DEPDC5: variants seen among roughly 807,000 people sequenced by gnomAD.
DEPDC5 encodes the protein DEP domain containing 5, GATOR1 subcomplex subunit.
DEPDC5 carries 73 observed loss-of-function variants against 217.3 expected under a neutral mutation model. The ratio of observed to expected loss-of-function variants is 0.34; its 90% CI spans 0.28 to 0.41. The LOEUF (loss-of-function observed/expected upper bound fraction) is 0.41. Among genes scored for constraint, DEPDC5 ranks in the 10% least tolerant of loss-of-function variants. The pLI is 1.00. For missense variants in DEPDC5, 1,675 were observed against 2,070.1 expected (o/e 0.81, Z 3.70); for synonymous variants, 733 against 756.7 (o/e 0.97, Z 0.51).
At chr22:31,841,925 G>A (rs959422396) in intron 27 of DEPDC5, among the ~76,000 whole-genome samples, 3 of 152,192 alleles carry the variant, frequency 2.0e-5, no homozygotes, top group South Asian at 2.1e-4. Context: ...TAGATCAAAG[G>A]AATCTTGGCT....
In DEPDC5 at chr22:31,755,011, A is replaced by T. The variant is rs199751017; in HGVS notation, c.58+32A>T. The T allele has an allele frequency of 5.6e-6, 9 of 1,613,860 alleles. No homozygotes were observed. In the African/African-American group the frequency reaches 1.2e-4, roughly 22 times the overall value. ...ATCGATTGGTCTTTAGAGGTTTTGT[A>T]AGTTGGCTGAGGTTCTGGTGTGTGC... On this transcript the variant is annotated intron_variant, in intron 2 of 42. Transcript: ENST00000651528.
intron 2 of DEPDC5, chr22:31,757,564 G>T (rs2082038012): frequency 6.6e-6 from 1 of 152,128 alleles, no homozygotes; most frequent in African/African-American, 2.4e-5. Context: ...TTTTTGTTGG[G>T]TCTGATTATA....
chr22:31,761,609 G>A (rs1432076034), intron 4 of DEPDC5, among the ~76,000 whole-genome samples: 1 of 148,336 alleles, frequency 6.7e-6, no homozygotes. Flanking sequence ...GTTTCAATGA[G>A]CTATAACGGT....
chr22:31,839,241 C>A (rs1424550950), intron 27 of DEPDC5, among the ~76,000 whole-genome samples: 1 of 152,144 alleles, frequency 6.6e-6, no homozygotes, highest in Non-Finnish European at 1.5e-5. Context: ...TACATTTGTT[C>A]TTATTTTCTT....
chr22:31,782,070 C>A (rs1019643941), intron 8 of DEPDC5, among the ~76,000 whole-genome samples: 2 of 151,976 alleles, frequency 1.3e-5, no homozygotes, highest in Non-Finnish European at 2.9e-5. Context: ...TTATTAAGAA[C>A]CTTGCATATT....
chr22:31,789,877 G>A (rs1885139127), intron 10 of DEPDC5, among the ~76,000 whole-genome samples: 2 of 152,004 alleles, frequency 1.3e-5, no homozygotes, highest in South Asian at 2.1e-4. Context: ...CAGTAGTTGG[G>A]ACTACAGGCG....
intron 20 of DEPDC5, among the ~76,000 whole-genome samples, chr22:31,812,453 C>G (rs559750381): frequency 6.2e-5 from 7 of 113,154 alleles, no homozygotes; most frequent in African/African-American, 2.5e-4. Context: ...GAGACAGAGT[C>G]TCGCTCTGTT....
At chr22:31,780,983 G>A (rs1185986654) in intron 8 of DEPDC5, among the ~76,000 whole-genome samples, 1 of 152,148 alleles carries the variant, frequency 6.6e-6, no homozygotes, top group Non-Finnish European at 1.5e-5. Flanking sequence ...TTGGGAGGCC[G>A]AGGCAGGTGG....
chr22:31,838,599 A>C, intron 26 of DEPDC5, 86 bp from the exon 27 acceptor site: 1 of 1,538,446 alleles, frequency 6.5e-7, no homozygotes, highest in Admixed American at 1.8e-5. Flanking sequence ...AAGGGGATGA[A>C]GCAAAGGAGA....
chr22:31,893,096 G>T (rs1044681784), intron 38 of DEPDC5, among the ~76,000 whole-genome samples: 1 of 151,854 alleles, frequency 6.6e-6, no homozygotes, highest in East Asian at 1.9e-4. Context: ...GGATGGTCTC[G>T]ATCTCTTGAC....
At position 31,766,578 on chromosome 22, in the gene DEPDC5, C is replaced by CT. The variant is rs1247246711; in HGVS notation, c.280-3dup. 7 of 1,612,576 alleles carry CT rather than the reference C, an allele frequency of 4.3e-6. No homozygotes were observed. The highest frequency in any genetic ancestry group is 5.1e-6 in the Non-Finnish European group (6 of 1,179,212). ...TGTCAGAGATATCATTTGATTATTC[C>CT]TTTTAGGATGTGACCCTTGACCTAG... On this transcript the variant is annotated splice_region_variant and splice_polypyrimidine_tract_variant and intron_variant, in intron 5 of 42. Coordinates refer to ENST00000651528, the MANE Select transcript of DEPDC5 (RefSeq NM_001242896.3).
chr22:31,787,443 G>A (rs151275879), intron 10 of DEPDC5, among the ~76,000 whole-genome samples: 1 of 152,102 alleles, frequency 6.6e-6, no homozygotes, highest in East Asian at 1.9e-4. Context: ...CAAAAGCACG[G>A]CATCCAAATT....
intron 24 of DEPDC5, among the ~76,000 whole-genome samples, chr22:31,823,388 C>T (rs1332995695): frequency 6.6e-6 from 1 of 151,874 alleles, no homozygotes; most frequent in Non-Finnish European, 1.5e-5. Flanking sequence ...AAAAGATTAG[C>T]CAGGCATGGT....
At chr22:31,883,077 G>A (rs2093219432) in intron 38 of DEPDC5, among the ~76,000 whole-genome samples, 1 of 152,146 alleles carries the variant, frequency 6.6e-6, no homozygotes, top group Non-Finnish European at 1.5e-5. Context: ...GAAGTGTTCT[G>A]TGCACTGGAG....
At chr22:31,795,175 A>G (rs780315101) in intron 12 of DEPDC5, among the ~76,000 whole-genome samples, 14 of 149,992 alleles carry the variant, frequency 9.3e-5, no homozygotes, top group Non-Finnish European at 1.3e-4. Context: ...AGTACAAGCA[A>G]TTCCCTGCCT....
At chr22:31,893,883 T>C in intron 39 of DEPDC5, 132 bp downstream of exon 39, 1 of 1,045,586 alleles carries the variant, frequency 9.6e-7, no homozygotes, top group Non-Finnish European at 1.3e-6. Flanking sequence ...ACTATTGGAG[T>C]AACCTTTTTA....
intron 28 of DEPDC5, 27 bp downstream of exon 28, chr22:31,843,239 C>T (rs772309573): frequency 1.9e-6 from 3 of 1,602,566 alleles, no homozygotes; most frequent in East Asian, 2.2e-5. Context: ...TTAAAGTCTT[C>T]AGTTATTGTC....
chr22:31,784,501 C>T (rs935895014), intron 9 of DEPDC5: 18 of 232,720 alleles, frequency 7.7e-5, no homozygotes, highest in African/African-American at 3.5e-4. Context: ...TGGTGGTGGG[C>T]GCCTGTAATC....
intron 31 of DEPDC5, 67 bp downstream of exon 31, chr22:31,847,034 T>A: frequency 6.2e-7 from 1 of 1,604,540 alleles, no homozygotes; most frequent in South Asian, 1.1e-5. Flanking sequence ...AGTGCCCTGT[T>A]CCCTTGAGGG....
Sources: allele counts gnomAD v4.1 joint callset (sites outside exome capture counted in the v4.1 genomes callset), GRCh38; gene constraint gnomAD v4.1.1; transcripts MANE v1.5; gene names NCBI Gene and HGNC (gene_info 2026-07-23, HGNC 2026-07-21).